SH3PXD2A: variants seen among roughly 807,000 people sequenced by gnomAD.
The protein encoded by SH3PXD2A is SH3 and PX domains 2A, also known as SH3 and PX domain-containing protein 2A.
SH3PXD2A carries 32 observed loss-of-function variants against 115.2 expected under a neutral mutation model. The ratio of observed to expected loss-of-function variants is 0.28; its 90% confidence interval spans 0.21 to 0.37. The LOEUF (loss-of-function observed/expected upper bound fraction) is 0.37, where lower values mean the gene tolerates loss of function less well. Ranked by LOEUF, SH3PXD2A falls within the 10% of genes least tolerant of loss-of-function variation. The probability of loss-of-function intolerance (pLI) is 1.00; values close to 1 mark genes in which losing one functional copy is unlikely to be tolerated. For missense variants in SH3PXD2A, 1,328 were observed against 1,498.7 expected, an observed-to-expected ratio of 0.89 and a Z score of 1.88; for synonymous variants, 610 against 629.1, an observed-to-expected ratio of 0.97 and a Z score of 0.45.
chr10:103,821,554 T>A (rs532560762), intron 1 of SH3PXD2A, among the ~76,000 whole-genome samples: 1 of 151,914 alleles, frequency 6.6e-6, no homozygotes, highest in South Asian at 2.1e-4. Context: ...GATCTGTTGT[T>A]CTTGTTATTA....
chr10:103,800,629 G>C (rs2039137846), intron 2 of SH3PXD2A, among the ~76,000 whole-genome samples: 1 of 152,156 alleles, frequency 6.6e-6, no homozygotes, highest in Admixed American at 6.5e-5. Flanking sequence ...CTAAGCCAGT[G>C]CAATTGTAAA....
At chr10:103,798,081 C>A (rs973126117) in intron 2 of SH3PXD2A, among the ~76,000 whole-genome samples, 1 of 152,016 alleles carries the variant, frequency 6.6e-6, no homozygotes, top group Non-Finnish European at 1.5e-5. Flanking sequence ...GCCTGGCCTT[C>A]GGGAACAAAG....
chr10:103,730,138 A>G (rs1372589043), intron 4 of SH3PXD2A, among the ~76,000 whole-genome samples: 2 of 152,066 alleles, frequency 1.3e-5, no homozygotes, highest in Non-Finnish European at 2.9e-5. Context: ...CAAAGAGCAA[A>G]GCTGTGCATT....
rs17115836 is a variant in SH3PXD2A at position 103,703,284 on chromosome 10, T to C, written c.399-10228A>G. Reference sequence around the variant, plus strand: ...ACCTCCCAGACTTTCCTAGACACCATGTGACAAACCCACAAGCACCAAGCA... The same window carrying C: ...ACCTCCCAGACTTTCCTAGACACCACGTGACAAACCCACAAGCACCAAGCA... On this transcript the variant is annotated intron_variant, in intron 5 of 14. Transcript: ENST00000369774. Among the ~76,000 whole-genome samples the C allele has an allele frequency of 6.4e-3, 971 of 152,304 alleles. 9 individuals carry two copies. The highest frequency in any genetic ancestry group is 0.021 in the African/African-American group (887 of 41,564).
chr10:103,820,447 C>T (rs559245999), intron 1 of SH3PXD2A, among the ~76,000 whole-genome samples: 1 of 152,292 alleles, frequency 6.6e-6, no homozygotes, highest in East Asian at 1.9e-4. Flanking sequence ...TCGGGCTTCC[C>T]GCCCCAATTC....
chr10:103,601,556 T>G lies in SH3PXD2A; in HGVS notation c.*260A>C. On this transcript the variant is annotated 3_prime_UTR_variant, in exon 15 of 15. Transcript: ENST00000369774. ...CTATGGTGCACAGGATATCTCAGCTTTCTTGGCTCTGGGTCCCAGGCCTGG... is the reference window on the plus strand; with the variant it reads ...CTATGGTGCACAGGATATCTCAGCTGTCTTGGCTCTGGGTCCCAGGCCTGG... 2 of 391,274 alleles carry G rather than the reference T, an allele frequency of 5.1e-6. No homozygotes were observed. Among genetic ancestry groups the G allele is most frequent in the Non-Finnish European group, 9.3e-6 (2 of 215,992 alleles). 24.2% of individuals were successfully genotyped at this position (391,274 alleles called of 1,614,324 possible). A position where few individuals can be genotyped will look rare whatever the true frequency, so the allele number is the denominator to read the frequency against.
At chr10:103,703,158 G>GA (rs1211278597) in intron 5 of SH3PXD2A, among the ~76,000 whole-genome samples, 2 of 152,214 alleles carry the variant, frequency 1.3e-5, no homozygotes, top group African/African-American at 4.8e-5. Context: ...GCCTCTGTGG[G>GA]AAAGAGGACT....
intron 4 of SH3PXD2A, 47 bp downstream of exon 4, chr10:103,735,685 C>T (rs776609303): frequency 7.1e-7 from 1 of 1,418,134 alleles, no homozygotes; most frequent in South Asian, 1.1e-5. Context: ...CCTCTCCTCC[C>T]TGAAGCCCTC....
chr10:103,634,277 CAAG>C (rs2036832415), intron 8 of SH3PXD2A, among the ~76,000 whole-genome samples: 1 of 152,170 alleles, frequency 6.6e-6, no homozygotes, highest in South Asian at 2.1e-4. Context: ...CCTTTGGAGC[CAAG>C]GAGAAAGGCC....
At chr10:103,682,188 G>A (rs1439172757) in intron 6 of SH3PXD2A, among the ~76,000 whole-genome samples, 1 of 152,190 alleles carries the variant, frequency 6.6e-6, no homozygotes, top group African/African-American at 2.4e-5. Context: ...AGGATCCGGG[G>A]AGCGCTTGCC....
intron 1 of SH3PXD2A, among the ~76,000 whole-genome samples, chr10:103,852,510 C>G (rs897271266): frequency 2.0e-5 from 3 of 152,190 alleles, no homozygotes; most frequent in African/African-American, 7.2e-5. Context: ...TCAGAATTCA[C>G]CATCAGCAGA....
At chr10:103,623,359 C>T (rs1048147551) in intron 9 of SH3PXD2A, among the ~76,000 whole-genome samples, 2 of 152,130 alleles carry the variant, frequency 1.3e-5, no homozygotes, top group Admixed American at 6.5e-5. Context: ...GGCTCTGAGC[C>T]CCCTGCACCC....
In SH3PXD2A at chr10:103,737,078, G is replaced by GA. The variant is rs1218512565; in HGVS notation, c.230-1271_230-1270insT. 4.6e-5 allele frequency among the ~76,000 whole-genome samples: 7 copies of GA among 152,312 alleles called. No individual in the cohort carries two copies. The South Asian group carries it at 1.5e-3, about 32-fold the overall frequency. On this transcript the variant is annotated intron_variant, in intron 3 of 14. Transcript: ENST00000369774. Reference sequence around the variant, plus strand: ...TGGGAAGCAAACGGAATGAGAGAAAGGAAGGGTGGCTAGCACAAGACAGGT... The same window carrying GA: ...TGGGAAGCAAACGGAATGAGAGAAAGAGAAGGGTGGCTAGCACAAGACAGGT...
chr10:103,646,518 G>A (rs1426562383), intron 8 of SH3PXD2A, among the ~76,000 whole-genome samples: 1 of 152,122 alleles, frequency 6.6e-6, no homozygotes, highest in African/African-American at 2.4e-5. Flanking sequence ...TTCCCACACT[G>A]ACCTGTCAAT....
At chr10:103,640,575 G>A (rs1345326081) in intron 8 of SH3PXD2A, among the ~76,000 whole-genome samples, 1 of 152,188 alleles carries the variant, frequency 6.6e-6, no homozygotes, top group African/African-American at 2.4e-5. Flanking sequence ...GAGCCCTCCA[G>A]TCATCATCAG....
intron 6 of SH3PXD2A, 102 bp downstream of exon 6, chr10:103,692,925 AC>A (rs371317904): frequency 4.7e-4 from 429 of 906,138 alleles, no homozygotes; most frequent in East Asian, 1.3e-3. Context: ...TGCAAGGACA[AC>A]CCCCCCCTCC....
At chr10:103,742,208 C>G (rs1363037378) in intron 3 of SH3PXD2A, among the ~76,000 whole-genome samples, 1 of 152,186 alleles carries the variant, frequency 6.6e-6, no homozygotes, top group Admixed American at 6.5e-5. Context: ...AGTCTGAAAT[C>G]AAGGTGCCAG....
intron 8 of SH3PXD2A, among the ~76,000 whole-genome samples, chr10:103,659,625 T>G (rs2037261804): frequency 6.6e-6 from 1 of 152,168 alleles, no homozygotes; most frequent in Non-Finnish European, 1.5e-5. Context: ...GACGAAAGGT[T>G]GAGGCCTCAC....
intron 3 of SH3PXD2A, among the ~76,000 whole-genome samples, chr10:103,759,129 G>A (rs893218492): frequency 1.3e-5 from 2 of 152,142 alleles, no homozygotes; most frequent in African/African-American, 4.8e-5. Flanking sequence ...ACAAATACCG[G>A]ATCTTCTGCA....
Sources: allele counts gnomAD v4.1 joint callset (sites outside exome capture counted in the v4.1 genomes callset), GRCh38; gene constraint gnomAD v4.1.1; transcripts MANE v1.5; gene names NCBI Gene and HGNC (gene_info 2026-07-23, HGNC 2026-07-21).